The following WNT5A variants were observed in gnomAD, a reference collection of about 807,000 sequenced individuals.
WNT5A encodes the protein Wnt family member 5A.
WNT5A carries 9 observed loss-of-function variants against 42.1 expected under a neutral mutation model. The observed-to-expected ratio is 0.21, with a 90% CI of 0.13 to 0.37. WNT5A has a LOEUF of 0.37. Ranked by LOEUF, WNT5A falls within the 10% of genes least tolerant of loss-of-function variation. The probability of loss-of-function intolerance (pLI) is 1.00; values close to 1 mark genes in which losing one functional copy is unlikely to be tolerated. For missense variants in WNT5A, 426 were observed against 534.0 expected (o/e 0.80, Z 1.99); for synonymous variants, 210 against 210.0 (o/e 1.00, Z 0.00).
the WNT5A span, among the ~76,000 whole-genome samples, chr3:55,498,772 AT>A: frequency 2.1e-4 from 31 of 150,680 alleles, no homozygotes; most frequent in East Asian, 2.5e-3. Flanking sequence ...TAGTCTCAGG[AT>A]TTTTTTTTTC....
the WNT5A span, among the ~76,000 whole-genome samples, chr3:55,495,848 C>T: frequency 4.6e-5 from 7 of 152,134 alleles, no homozygotes; most frequent in South Asian, 2.1e-4. Context: ...AAACCAATGG[C>T]GAGAAAAATG....
At position 55,469,935 on chromosome 3, in the gene WNT5A, C is replaced by G; in HGVS notation, c.*157G>C. On this transcript the variant is annotated 3_prime_UTR_variant, in exon 5 of 5. Coordinates refer to ENST00000264634, the MANE Select transcript of WNT5A (RefSeq NM_003392.7). ...TAATAATTATAATATTAATAATAAA[C>G]CACAGAGTTCTTAGATGGTAACAGG... 1 of 708,176 alleles carries G rather than the reference C, an allele frequency of 1.4e-6. No homozygotes were observed. Among genetic ancestry groups the G allele is most frequent in the East Asian group, 2.8e-5 (1 of 36,260 alleles). The allele number at this position is 708,176 out of a possible 1,614,324, so 43.9% of individuals were successfully genotyped here. A position where few individuals can be genotyped will look rare whatever the true frequency, so the allele number is the denominator to read the frequency against.
At chr3:55,480,141 T>C (rs942460621) in intron 2 of WNT5A, among the ~76,000 whole-genome samples, 3 of 152,166 alleles carry the variant, frequency 2.0e-5, no homozygotes, top group Non-Finnish European at 2.9e-5. Context: ...AAGTCATGTT[T>C]GACAGTCAGA....
chr3:55,487,656 T>A (rs2051602842), upstream of WNT5A: 1 of 152,418 alleles, frequency 6.6e-6, no homozygotes, highest in African/African-American at 2.4e-5. Flanking sequence ...GACGTCTCTG[T>A]ACACACACAG....
At chr3:55,499,330 G>A in the WNT5A span, among the ~76,000 whole-genome samples, 1 of 152,140 alleles carries the variant, frequency 6.6e-6, no homozygotes, top group Non-Finnish European at 1.5e-5. Flanking sequence ...AAGCGGCTTG[G>A]GAGTACTCTG....
At chr3:55,478,271 T>C (rs2106939379) in intron 3 of WNT5A, among the ~76,000 whole-genome samples, 1 of 152,312 alleles carries the variant, frequency 6.6e-6, no homozygotes. Flanking sequence ...CCCTGACAAC[T>C]CTTTTTTGTT....
chr3:55,500,296 C>T, the WNT5A span, among the ~76,000 whole-genome samples: 1 of 152,158 alleles, frequency 6.6e-6, no homozygotes, highest in East Asian at 1.9e-4. Flanking sequence ...AAATCCCTGA[C>T]ACAAAGTTAT....
intron 1 of WNT5A, chr3:55,481,346 A>G (rs973881749): frequency 1.2e-5 from 12 of 986,560 alleles, no homozygotes; most frequent in South Asian, 4.7e-5. Flanking sequence ...CCGAGCAACA[A>G]GTGGAGCCAG....
intron 3 of WNT5A, among the ~76,000 whole-genome samples, chr3:55,474,924 G>GT (rs1020894771): frequency 7.6e-6 from 1 of 130,762 alleles, no homozygotes; most frequent in African/African-American, 2.9e-5. Context: ...AGGGTAGGGA[G>GT]TAGGAGATGG....
At chr3:55,471,690 C>T (rs573940242) in intron 4 of WNT5A, among the ~76,000 whole-genome samples, 86 of 152,354 alleles carry the variant, frequency 5.6e-4, no homozygotes, top group African/African-American at 1.5e-3. Context: ...GCAGTGCCCA[C>T]GGGTCTGGCC....
At chr3:55,493,499 T>C (rs1575412128), upstream of WNT5A, among the ~76,000 whole-genome samples, 1 of 152,338 alleles carries the variant, frequency 6.6e-6, no homozygotes, top group South Asian at 2.1e-4. Context: ...TAAAATTATT[T>C]TATTTACAAG....
the WNT5A span, among the ~76,000 whole-genome samples, chr3:55,503,710 G>T: frequency 6.6e-6 from 1 of 152,170 alleles, no homozygotes; most frequent in Non-Finnish European, 1.5e-5. Flanking sequence ...CAGCACTTTG[G>T]GAGGCTGAGA....
At chr3:55,482,235 A>G (rs2051480127) in intron 1 of WNT5A, among the ~76,000 whole-genome samples, 1 of 152,140 alleles carries the variant, frequency 6.6e-6, no homozygotes, top group South Asian at 2.1e-4. Flanking sequence ...CTTCCTGAAG[A>G]ATTTCAGGGG....
At position 55,483,224 on chromosome 3, in the gene WNT5A, T is replaced by C. The variant is rs1002162942; in HGVS notation, c.7-2306A>G. Among the ~76,000 whole-genome samples the C allele has an allele frequency of 1.3e-5, 2 of 152,010 alleles. No homozygotes were observed. The highest frequency in any genetic ancestry group is 2.9e-5 in the Non-Finnish European group (2 of 68,002). On this transcript the variant is annotated intron_variant, in intron 1 of 4. Coordinates refer to ENST00000264634, the MANE Select transcript of WNT5A (RefSeq NM_003392.7). This position sits in a 1 kb window ranked among gnomAD's most constrained non-coding sequence, Gnocchi z 4.2. ...TCACCAAGACTTGGGTCTCCCTGGC[T>C]CCAGGGTAGAGGTAGGCAGAGGGTG...
chr3:55,492,668 T>C (rs1575411794), upstream of WNT5A, among the ~76,000 whole-genome samples: 1 of 152,138 alleles, frequency 6.6e-6, no homozygotes, highest in African/African-American at 2.4e-5. Context: ...ATGGGGCAGG[T>C]ATGTGTTGAG....
intron 4 of WNT5A, among the ~76,000 whole-genome samples, chr3:55,474,070 C>G (rs2051301289): frequency 6.6e-6 from 1 of 150,774 alleles, no homozygotes; most frequent in Non-Finnish European, 1.5e-5. Flanking sequence ...GAGAGGTAGA[C>G]AAAGGGGGAG....
At chr3:55,493,071 G>A (rs776897558), upstream of WNT5A, among the ~76,000 whole-genome samples, 2 of 152,124 alleles carry the variant, frequency 1.3e-5, no homozygotes, top group South Asian at 4.1e-4. Flanking sequence ...CATCAAGAAC[G>A]ACACCATCCA....
At position 55,487,196 on chromosome 3, in the gene WNT5A, C is replaced by G; in HGVS notation, c.-211G>C. On this transcript the variant is annotated 5_prime_UTR_variant, in exon 1 of 5. Transcript: ENST00000264634. ...CCCGAGTTGGGGCAGAGCTGGGATG[C>G]GCCCAGGAATGGAGGGGGCGCGGAC... The G allele has an allele frequency of 1.9e-6, 1 of 535,534 alleles. No homozygotes were observed. Among genetic ancestry groups the G allele is most frequent in the Non-Finnish European group, 3.3e-6 (1 of 306,028 alleles). The allele number at this position is 535,534 out of a possible 1,614,324, so 33.2% of individuals were successfully genotyped here.
In WNT5A at chr3:55,470,455, G is replaced by T. The variant is rs763073461; in HGVS notation, c.780C>A (p.Arg260=). 1 of 1,610,200 alleles carries T rather than the reference G, an allele frequency of 6.2e-7. No homozygotes were observed. Among genetic ancestry groups the T allele is most frequent in the African/African-American group, 1.3e-5 (1 of 74,864 alleles). Residue 260 remains arginine, a synonymous_variant, in exon 5 of 5, where the codon CGC becomes CGA. Coordinates refer to ENST00000264634, the MANE Select transcript of WNT5A (RefSeq NM_003392.7). ...KTCWLQLADF[R]KVGDALKEKY... ...TCTCCTTCAGGGCATCACCCACCTT[G>T]CGGAAGTCTGCCAGCTGCAGCCAGC...
Sources: allele counts gnomAD v4.1 joint callset (sites outside exome capture counted in the v4.1 genomes callset), GRCh38; gene constraint gnomAD v4.1.1; non-coding constraint Gnocchi (gnomAD v3.1); transcripts MANE v1.5; gene names NCBI Gene and HGNC (gene_info 2026-07-23, HGNC 2026-07-21).